ESR2: variants seen among roughly 807,000 people sequenced by gnomAD.
The protein encoded by ESR2 is estrogen receptor 2.
A neutral mutation model predicts 49.6 loss-of-function variants in ESR2; 36 were observed. The observed-to-expected ratio is 0.73, with a 90% CI of 0.56 to 0.96. The LOEUF (loss-of-function observed/expected upper bound fraction) is 0.96, where lower values mean the gene tolerates loss of function less well. ESR2 is among the 40% of genes least tolerant of loss of function. The pLI is 0.00. For missense variants in ESR2, 714 were observed against 693.0 expected (o/e 1.03, Z -0.34); for synonymous variants, 320 against 266.1 (o/e 1.20, Z -1.97).
chr14:64,242,459 T>C lies in ESR2; in HGVS notation c.1225+7087A>G, dbSNP rs544945233. Among the ~76,000 whole-genome samples the C allele has an allele frequency of 2.7e-4, 41 of 149,330 alleles. 2 individuals are homozygous for C. In the South Asian group the frequency reaches 8.4e-3, roughly 30 times the overall value. ...AACAAACAAACAAAAAAAATATATA[T>C]ATATATATAAAATCATATGGTTTTT... On this transcript the variant is annotated intron_variant, in intron 7 of 8. Coordinates refer to ENST00000341099, the MANE Select transcript of ESR2 (RefSeq NM_001437.3).
intron 7 of ESR2, among the ~76,000 whole-genome samples, chr14:64,243,294 A>G (rs2075776747): frequency 1.3e-5 from 2 of 152,238 alleles, no homozygotes; most frequent in Non-Finnish European, 1.5e-5. Flanking sequence ...CCCCAAAACA[A>G]TTACAATAGT....
intron 1 of ESR2, among the ~76,000 whole-genome samples, chr14:64,286,745 ACT>A (rs1418313063): frequency 6.7e-6 from 1 of 149,122 alleles, no homozygotes; most frequent in Non-Finnish European, 1.5e-5. Context: ...ATGAAATCTC[ACT>A]CTGTCACCCA....
intron 7 of ESR2, among the ~76,000 whole-genome samples, chr14:64,248,875 A>C (rs1375432286): frequency 6.6e-6 from 1 of 151,636 alleles, no homozygotes; most frequent in Non-Finnish European, 1.5e-5. Context: ...TCTATATCGC[A>C]TATCTGTGCA....
At chr14:64,296,948 T>C (rs2076964796), upstream of ESR2, among the ~76,000 whole-genome samples, 1 of 152,158 alleles carries the variant, frequency 6.6e-6, no homozygotes, top group Non-Finnish European at 1.5e-5. Context: ...ATTATTCCAA[T>C]TCTACCTGAA....
At chr14:64,273,148 T>A (rs2076483364) in intron 3 of ESR2, among the ~76,000 whole-genome samples, 1 of 152,162 alleles carries the variant, frequency 6.6e-6, no homozygotes, top group Non-Finnish European at 1.5e-5. Context: ...TTCAGATTGT[T>A]TGCTGTTGGC....
chr14:64,318,896 C>T (rs1317294807), intron 1 of ESR2, among the ~76,000 whole-genome samples: 3 of 151,976 alleles, frequency 2.0e-5, no homozygotes, highest in Admixed American at 6.6e-5. Context: ...TACAATTAGC[C>T]AGGCGTGGTT....
chr14:64,261,232 C>CTTTTTTT lies in ESR2; in HGVS notation c.653-485_653-484insAAAAAAA, dbSNP rs374264697. Among the ~76,000 whole-genome samples, 142 of 88,624 alleles carry CTTTTTTT rather than the reference C, an allele frequency of 1.6e-3. 21 individuals carry two copies. Among genetic ancestry groups the CTTTTTTT allele is most frequent in the Admixed American group, 2.0e-3 (14 of 7,068 alleles). The allele number at this position is 88,624 out of a possible 152,430, so 58.1% of individuals were successfully genotyped here. Reference sequence around the variant, plus strand: ...CAGTCTTTTTAATGCTTTTATTTTTCTTTTTTCTTTTTTTTTTTTTTTTGA... The same window carrying CTTTTTTT: ...CAGTCTTTTTAATGCTTTTATTTTTCTTTTTTTTTTTTTCTTTTTTTTTTTTTTTTGA... On this transcript the variant is annotated intron_variant, in intron 4 of 8. Coordinates refer to ENST00000341099, the MANE Select transcript of ESR2 (RefSeq NM_001437.3).
In ESR2 at chr14:64,230,570, G is replaced by C. The variant is rs1016964512; in HGVS notation, c.*2567C>G. Among the ~76,000 whole-genome samples, 2 of 151,980 alleles carry C rather than the reference G, an allele frequency of 1.3e-5. No individual in the cohort carries two copies. The highest frequency in any genetic ancestry group is 2.9e-5 in the Non-Finnish European group (2 of 68,010). ...AGTTGAGTCTTCAGATTTGTGACTA[G>C]GCTGACAGCTTTGTCTTGTGTTCCC... On this transcript the variant is annotated 3_prime_UTR_variant, in exon 9 of 9. Transcript: ENST00000341099.
At chr14:64,329,587 C>G (rs1163606086) in intron 1 of ESR2, 1 of 148,380 alleles carries the variant, frequency 6.7e-6, no homozygotes, top group African/African-American at 2.5e-5. Context: ...CCAGCCTGGG[C>G]AATGTCGTGA....
intron 7 of ESR2, among the ~76,000 whole-genome samples, chr14:64,245,944 A>G (rs2075847333): frequency 6.6e-6 from 1 of 152,226 alleles, no homozygotes; most frequent in Admixed American, 6.5e-5. Flanking sequence ...CTTCAAGCAG[A>G]TCCTCCCTTT....
At chr14:64,260,861 G>A in intron 4 of ESR2, 113 bp from the exon 5 acceptor site, 2 of 988,994 alleles carry the variant, frequency 2.0e-6, no homozygotes, top group South Asian at 4.9e-5. Context: ...GATTACTATG[G>A]TCGTGACCGT....
Position 64,257,322 on chromosome 14 carries a change from T to C in ESR2, c.995A>G (p.Glu332Gly). 1 of 1,613,668 alleles carries C rather than the reference T, an allele frequency of 6.2e-7. No individual in the cohort carries two copies. Among genetic ancestry groups the C allele is most frequent in the African/African-American group, 1.3e-5 (1 of 74,986 alleles). Residue 332 changes from glutamate to glycine, a missense_variant, in exon 6 of 9, where the codon GAG becomes GGG. Transcript: ENST00000341099. ...LSLFDQVRLL[E>G]SCWMEVLMMG... ...CATTAACACCTCCATCCAACAGCTCTCCAAGAGCCGCACTTGGTCGAACAG... is the reference window on the plus strand; with the variant it reads ...CATTAACACCTCCATCCAACAGCTCCCCAAGAGCCGCACTTGGTCGAACAG...
chr14:64,256,015 T>A (rs1293214522), intron 6 of ESR2, among the ~76,000 whole-genome samples: 2 of 152,204 alleles, frequency 1.3e-5, no homozygotes, highest in East Asian at 3.9e-4. Context: ...TAACACAGGG[T>A]CTTCTGATGA....
chr14:64,276,700 C>A (rs2076564768), intron 3 of ESR2, among the ~76,000 whole-genome samples: 1 of 152,010 alleles, frequency 6.6e-6, no homozygotes, highest in East Asian at 1.9e-4. Flanking sequence ...ATTGATAGGG[C>A]CTTCAATAAT....
At chr14:64,298,183 A>G (rs1475445079), upstream of ESR2, among the ~76,000 whole-genome samples, 2 of 152,330 alleles carry the variant, frequency 1.3e-5, no homozygotes. Flanking sequence ...AACAAACCTA[A>G]TATTTATTGA....
At chr14:64,298,434 T>A (rs932863974), upstream of ESR2, 5 of 152,210 alleles carry the variant, frequency 3.3e-5, no homozygotes, top group African/African-American at 9.7e-5. Flanking sequence ...TGAGATGCTG[T>A]TCTTATTTGT....
intron 2 of ESR2, among the ~76,000 whole-genome samples, chr14:64,280,693 T>A (rs1357371983): frequency 3.3e-5 from 5 of 152,204 alleles, no homozygotes; most frequent in African/African-American, 1.2e-4. Context: ...CACTCTGCAA[T>A]TTCAGATAAA....
At chr14:64,282,557 T>C (rs1200916144) in intron 2 of ESR2, 67 bp downstream of exon 2, 1 of 1,472,484 alleles carries the variant, frequency 6.8e-7, no homozygotes. Context: ...TATTTCCTTC[T>C]CACTCAACCA....
chr14:64,307,778 C>T (rs1427977099), intron 1 of ESR2, among the ~76,000 whole-genome samples: 1 of 152,164 alleles, frequency 6.6e-6, no homozygotes, highest in Admixed American at 6.5e-5. Context: ...TCGTGATCCA[C>T]CCGCCTCGGC....
Sources: allele counts gnomAD v4.1 joint callset (sites outside exome capture counted in the v4.1 genomes callset), GRCh38; gene constraint gnomAD v4.1.1; transcripts MANE v1.5; gene names NCBI Gene and HGNC (gene_info 2026-07-23, HGNC 2026-07-21).